Variants in SMAP1 observed in about 807,000 individuals in gnomAD.
SMAP1 encodes the protein stromal membrane-associated protein 1.
In SMAP1, 24 loss-of-function variants were observed where a neutral mutation model predicts 58.5. The ratio of observed to expected loss-of-function variants is 0.41; its 90% CI spans 0.30 to 0.58. The LOEUF (loss-of-function observed/expected upper bound fraction) is 0.58. Among genes scored for constraint, SMAP1 ranks in the 20% least tolerant of loss-of-function variants. SMAP1 has a pLI of 0.29. For synonymous variants in SMAP1, 216 were observed against 196.6 expected (o/e 1.10, Z -0.82); for missense variants, 563 against 566.3 (o/e 0.99, Z 0.06).
intron 7 of SMAP1, among the ~76,000 whole-genome samples, chr6:70,845,085 G>T (rs1050706196): frequency 6.6e-6 from 1 of 152,132 alleles, no homozygotes; most frequent in Non-Finnish European, 1.5e-5. Context: ...TTCATGCTCA[G>T]TCAAAAATGG....
intron 1 of SMAP1, among the ~76,000 whole-genome samples, chr6:70,680,712 G>GTCTTTTT (rs1766666154): frequency 1.3e-5 from 1 of 78,980 alleles, no homozygotes; most frequent in Non-Finnish European, 2.2e-5. Context: ...TGGATTTCCT[G>GTCTTTTT]TTTTTTTTTT....
intron 1 of SMAP1, among the ~76,000 whole-genome samples, chr6:70,690,688 T>TTA (rs111848722): frequency 0.19 from 26,349 of 136,382 alleles, 2,494 homozygotes; most frequent in African/African-American, 0.27. Context: ...GATGTATCTT[T>TTA]TATATATATA....
Position 70,752,687 on chromosome 6 carries a change from C to A in SMAP1, c.253-2293C>A, listed in dbSNP as rs576256965. On this transcript the variant is annotated intron_variant, in intron 2 of 10. Transcript: ENST00000370455. Reference sequence around the variant, plus strand: ...CTGTTGTTTTTTTCCCCTGCCCTCTCATTTCCAAATTGCCCAATCTTTCAT... The same window carrying A: ...CTGTTGTTTTTTTCCCCTGCCCTCTAATTTCCAAATTGCCCAATCTTTCAT... Among the ~76,000 whole-genome samples, 91 of 152,130 alleles carry A rather than the reference C, an allele frequency of 6.0e-4. 1 individual carries two copies. The highest frequency in any genetic ancestry group is 2.2e-3 in the African/African-American group (91 of 41,502).
At chr6:70,749,692 C>T (rs1414031475) in intron 2 of SMAP1, among the ~76,000 whole-genome samples, 4 of 151,598 alleles carry the variant, frequency 2.6e-5, no homozygotes, top group East Asian at 1.9e-4. Context: ...TGAAACAATA[C>T]GTTAGAATGA....
rs1480743627 is a variant in SMAP1 at position 70,667,888 on chromosome 6, G to A, written c.-136G>A. The A allele has an allele frequency of 1.7e-5, 11 of 649,602 alleles. No homozygotes were observed. The highest frequency in any genetic ancestry group is 2.7e-5 in the Non-Finnish European group (11 of 412,102). 40.2% of individuals were successfully genotyped at this position (649,602 alleles called of 1,614,324 possible). On this transcript the variant is annotated 5_prime_UTR_variant, in exon 1 of 11. Transcript: ENST00000370455. ...CACCGCCGCCGCCGCCCCTCCTCCC[G>A]TTCCAGCTGCCGCTGCCGCTTCCTG... is the stretch of plus-strand genomic sequence containing the variant.
chr6:70,724,623 A>G (rs896762690), intron 1 of SMAP1, among the ~76,000 whole-genome samples: 4 of 152,220 alleles, frequency 2.6e-5, no homozygotes, highest in African/African-American at 9.6e-5. Flanking sequence ...CAGCAATAGT[A>G]TGTGGAAACT....
chr6:70,827,898 TA>T (rs1233977366), intron 6 of SMAP1, among the ~76,000 whole-genome samples: 4 of 152,158 alleles, frequency 2.6e-5, no homozygotes, highest in African/African-American at 9.6e-5. Flanking sequence ...GAAAGAATAT[TA>T]AATTCAAAAA....
intron 5 of SMAP1, among the ~76,000 whole-genome samples, chr6:70,793,639 GTAGT>G (rs1768463363): frequency 7.3e-6 from 1 of 137,008 alleles, no homozygotes; most frequent in Admixed American, 7.4e-5. Context: ...GGGGAGGAGA[GTAGT>G]TAGAGAGAGA....
Position 70,818,059 on chromosome 6 carries a change from T to G in SMAP1, c.577-18882T>G, listed in dbSNP as rs1442285821. 2.0e-5 allele frequency among the ~76,000 whole-genome samples: 3 copies of G among 152,292 alleles called. No individual in the cohort carries two copies. The East Asian group carries it at 5.8e-4, about 29-fold the overall frequency. On this transcript the variant is annotated intron_variant, in intron 6 of 10. Transcript: ENST00000370455. ...TTCCCATTTCTCCATTATTTTCACTTTCTCCTCTTTCTAAATTCTACTTTT... is the reference window on the plus strand; with the variant it reads ...TTCCCATTTCTCCATTATTTTCACTGTCTCCTCTTTCTAAATTCTACTTTT...
At chr6:70,832,648 G>A (rs1770408776) in intron 6 of SMAP1, among the ~76,000 whole-genome samples, 1 of 152,196 alleles carries the variant, frequency 6.6e-6, no homozygotes, top group Non-Finnish European at 1.5e-5. Context: ...GACAGCTCCA[G>A]CATCTGGTGA....
intron 7 of SMAP1, among the ~76,000 whole-genome samples, chr6:70,839,481 A>G (rs1770721873): frequency 6.6e-6 from 1 of 152,152 alleles, no homozygotes; most frequent in Non-Finnish European, 1.5e-5. Flanking sequence ...ATGGGCCTGT[A>G]GGTCTGCTGG....
At chr6:70,772,121 G>C (rs1767350785) in intron 3 of SMAP1, among the ~76,000 whole-genome samples, 1 of 152,156 alleles carries the variant, frequency 6.6e-6, no homozygotes, top group Non-Finnish European at 1.5e-5. Flanking sequence ...TGAAGCTTGA[G>C]TACCCATAGA....
intron 2 of SMAP1, among the ~76,000 whole-genome samples, chr6:70,746,666 T>A (rs1451480934): frequency 6.6e-6 from 1 of 152,234 alleles, no homozygotes; most frequent in Non-Finnish European, 1.5e-5. Flanking sequence ...GACTTTAGTA[T>A]CAGGATGATG....
chr6:70,850,301 G>A (rs1771135101), intron 7 of SMAP1, among the ~76,000 whole-genome samples: 1 of 151,978 alleles, frequency 6.6e-6, no homozygotes, highest in Non-Finnish European at 1.5e-5. Context: ...TATTTTCTCA[G>A]TTTGCCAAAA....
intron 3 of SMAP1, chr6:70,759,791 G>A (rs979206217): frequency 1.4e-5 from 5 of 358,898 alleles, no homozygotes; most frequent in African/African-American, 6.4e-5. Context: ...TGAATTGATT[G>A]GTGTCTATAT....
intron 6 of SMAP1, among the ~76,000 whole-genome samples, chr6:70,807,798 A>G (rs1769201411): frequency 6.6e-6 from 1 of 152,132 alleles, no homozygotes; most frequent in Non-Finnish European, 1.5e-5. Flanking sequence ...AGGTGACACT[A>G]GAACAGTGCT....
intron 1 of SMAP1, among the ~76,000 whole-genome samples, chr6:70,685,091 T>A (rs1766879779): frequency 6.6e-6 from 1 of 152,192 alleles, no homozygotes; most frequent in Admixed American, 6.5e-5. Flanking sequence ...AGTAAGGGTT[T>A]GATAAATGAG....
rs185597467 is a variant in SMAP1, at chr6:70,834,865, A to G, written c.577-2076A>G. 3.0e-3 allele frequency among the ~76,000 whole-genome samples: 455 copies of G among 152,318 alleles called. 3 individuals are homozygous for G. The highest frequency in any genetic ancestry group is 0.01 in the African/African-American group (424 of 41,574). ...TCTGAACCTGTATTAGAGGTTGAAA[A>G]GTGAAAGAATAGAGAATGTGAAATG... On this transcript the variant is annotated intron_variant, in intron 6 of 10. Transcript: ENST00000370455.
chr6:70,782,060 G>T (rs1767785681), intron 4 of SMAP1, among the ~76,000 whole-genome samples: 1 of 152,112 alleles, frequency 6.6e-6, no homozygotes, highest in Admixed American at 6.5e-5. Context: ...AGATGGGGTG[G>T]GTGGGAGTTC....
Sources: gnomAD v4.1 joint callset for allele counts (sites outside exome capture counted in the v4.1 genomes callset) on GRCh38, gnomAD v4.1.1 for gene constraint, MANE v1.5 for transcripts, NCBI Gene and HGNC (gene_info 2026-07-23, HGNC 2026-07-21) for gene names.